Variants in SHANK2 observed in about 807,000 individuals in gnomAD.
SHANK2 encodes SH3 and multiple ankyrin repeat domains 2.
In SHANK2, 43 loss-of-function variants were observed where a neutral mutation model predicts 133.7. The observed-to-expected ratio is 0.32, with a 90% CI of 0.25 to 0.41. SHANK2 has a LOEUF of 0.41. Ranked by LOEUF, SHANK2 falls within the 10% of genes least tolerant of loss-of-function variation. The pLI is 1.00. For missense variants in SHANK2, 1,994 were observed against 2,235.8 expected (o/e 0.89, Z 2.18); for synonymous variants, 1,017 against 952.8 (o/e 1.07, Z -1.24).
intron 7 of SHANK2, among the ~76,000 whole-genome samples, chr11:71,092,995 T>C (rs1555094411): frequency 7.4e-6 from 1 of 134,784 alleles, no homozygotes; most frequent in Non-Finnish European, 1.6e-5. Flanking sequence ...TGATCCAAGA[T>C]TGCACCATTG....
At chr11:70,716,141 C>T (rs1000359689) in intron 14 of SHANK2, among the ~76,000 whole-genome samples, 40 of 152,298 alleles carry the variant, frequency 2.6e-4, no homozygotes, top group East Asian at 5.8e-4. Flanking sequence ...TCTTTGTGGT[C>T]GGCCTCTTTC....
chr11:70,760,145 T>C (rs1363477059), intron 14 of SHANK2, among the ~76,000 whole-genome samples: 2 of 152,238 alleles, frequency 1.3e-5, no homozygotes, highest in African/African-American at 2.4e-5. Context: ...ATGGGACGCA[T>C]GTAACACGCA....
intron 1 of SHANK2, among the ~76,000 whole-genome samples, chr11:71,227,850 C>A (rs1954667708): frequency 6.6e-6 from 1 of 151,786 alleles, no homozygotes; most frequent in East Asian, 1.9e-4. Context: ...CCTCAAGAAG[C>A]TAGCAAAAGG....
At position 70,564,345 on chromosome 11, in the gene SHANK2, G is replaced by A. The variant is rs1293062489; in HGVS notation, c.2062-61414C>T. Among the ~76,000 whole-genome samples the A allele has an allele frequency of 2.8e-4, 42 of 151,074 alleles. 2 individuals carry two copies. Among genetic ancestry groups the A allele is most frequent in the Admixed American group, 2.4e-3 (36 of 15,148 alleles). On this transcript the variant is annotated intron_variant, in intron 17 of 25. Coordinates refer to ENST00000601538, the MANE Select transcript of SHANK2 (RefSeq NM_012309.5). The stretch of plus-strand genomic sequence containing the variant: ...GCGATCTCAGCTCATTGCAACCTCC[G>A]CCTCCTGGGTTCAAGAGATTCTCCT...
chr11:70,505,357 G>T (rs1554968162), intron 17 of SHANK2, among the ~76,000 whole-genome samples: 1 of 152,130 alleles, frequency 6.6e-6, no homozygotes, highest in South Asian at 2.1e-4. Context: ...ACGTGGGGGG[G>T]CACCGAGACA....
chr11:70,518,745 C>T (rs1204738832), intron 17 of SHANK2, among the ~76,000 whole-genome samples: 2 of 152,172 alleles, frequency 1.3e-5, no homozygotes, highest in African/African-American at 2.4e-5. Context: ...GAGACAGCAC[C>T]GGTGGGTCAA....
rs1288732387 is a variant in SHANK2, at chr11:70,698,699, G to A, written c.1842C>T (p.Phe614=). ...RHYTVGSYDS[F]DTSSDCIIEE... ...GCAGCGCGTCTTACCTGGAAGTGTC[G>A]AAGCTGTCATAGGAGCCCACGGTGT... The change falls in exon 15 of 26, where the codon TTC becomes TTT. Residue 614 remains phenylalanine, a synonymous_variant. Coordinates refer to ENST00000601538, the MANE Select transcript of SHANK2 (RefSeq NM_012309.5). The A allele has an allele frequency of 4.2e-6, 3 of 718,550 alleles. No individual in the cohort carries two copies. The highest frequency in any genetic ancestry group is 1.7e-5 in the African/African-American group (1 of 57,278). 44.5% of individuals were successfully genotyped at this position (718,550 alleles called of 1,614,324 possible). A position where few individuals can be genotyped will look rare whatever the true frequency, so the allele number is the denominator to read the frequency against.
rs567037830 is a variant in SHANK2, at chr11:70,825,921, A to AT, written c.1175-5240dup. On this transcript the variant is annotated intron_variant, in intron 11 of 25. Coordinates refer to ENST00000601538, the MANE Select transcript of SHANK2 (RefSeq NM_012309.5). Reference sequence around the variant, plus strand: ...CTGGCTTACATGCATTTATTTATACATTTTTTTCCCCACAATAAAAATTAC... The same window carrying AT: ...CTGGCTTACATGCATTTATTTATACATTTTTTTTCCCCACAATAAAAATTAC... Among the ~76,000 whole-genome samples the AT allele has an allele frequency of 3.1e-4, 47 of 152,222 alleles. 2 individuals are homozygous for AT. In the South Asian group the frequency reaches 9.5e-3, roughly 31 times the overall value.
At chr11:70,855,789 G>A (rs1949159296) in intron 11 of SHANK2, among the ~76,000 whole-genome samples, 2 of 152,212 alleles carry the variant, frequency 1.3e-5, no homozygotes, top group African/African-American at 4.8e-5. Flanking sequence ...ATGGCAGGAT[G>A]GGTAACTGCA....
chr11:70,572,672 G>A (rs2060060378), intron 17 of SHANK2, among the ~76,000 whole-genome samples: 1 of 152,162 alleles, frequency 6.6e-6, no homozygotes, highest in Admixed American at 6.5e-5. Flanking sequence ...CCAACATCAG[G>A]GGTCTCCAGG....
At chr11:70,899,388 T>G (rs1949991682) in intron 10 of SHANK2, among the ~76,000 whole-genome samples, 1 of 152,158 alleles carries the variant, frequency 6.6e-6, no homozygotes, top group African/African-American at 2.4e-5. Flanking sequence ...TCCTGAGGGC[T>G]CCCCAGCCAT....
chr11:71,131,682 A>G (rs541405193), intron 3 of SHANK2, among the ~76,000 whole-genome samples: 6 of 152,304 alleles, frequency 3.9e-5, no homozygotes, highest in African/African-American at 1.4e-4. Flanking sequence ...GAGCCATTGT[A>G]AAGCAGAGAT....
chr11:70,891,544 C>G (rs578203217), intron 11 of SHANK2, among the ~76,000 whole-genome samples: 1 of 152,222 alleles, frequency 6.6e-6, no homozygotes, highest in African/African-American at 2.4e-5. Flanking sequence ...AATTTACTAT[C>G]TCATAGTTCT....
chr11:71,144,029 C>A (rs1463901688), intron 3 of SHANK2, among the ~76,000 whole-genome samples: 1 of 151,702 alleles, frequency 6.6e-6, no homozygotes, highest in Non-Finnish European at 1.5e-5. Context: ...AAATAACAAC[C>A]AGAAAAGGAT....
At position 71,110,018 on chromosome 11, in the gene SHANK2, T is replaced by A. The variant is rs1555098820; in HGVS notation, c.515A>T (p.Gln172Leu). 1.9e-6 allele frequency: 3 copies of A among 1,551,448 alleles called. No individual in the cohort carries two copies. In the Admixed American group the frequency reaches 5.9e-5, roughly 30 times the overall value. ...GGTGATCTTCTCCACCAAGCGATGC[T>A]GAATGTGATCCATGCATTTCTTCAG... The part of the protein sequence containing the change: ...TNLKKCMDHI[Q>L]HRLVEKITKM... The change falls in exon 6 of 26, where the codon CAG becomes CTG. Residue 172 changes from glutamine to leucine, a missense_variant. By Grantham distance (113) the Gln-to-Leu change is moderately radical (BLOSUM62 -2). This residue lies in a region of SHANK2 where 653 missense variants were observed against 563.4 expected (regional missense o/e 1.16). Coordinates refer to ENST00000601538, the MANE Select transcript of SHANK2 (RefSeq NM_012309.5).
Position 70,943,956 on chromosome 11 carries a change from C to G in SHANK2, c.1108-47389G>C, listed in dbSNP as rs1007751676. 1.1e-5 allele frequency: 5 copies of G among 456,660 alleles called. No homozygotes were observed. The Admixed American group carries it at 1.2e-4, about 11-fold the overall frequency. The allele number at this position is 456,660 out of a possible 1,614,324, so 28.3% of individuals were successfully genotyped here. ...TAAATATTACTTGTTGACTTCCTGC[C>G]AGGGAAGATGAGAGTTTCACTCATT... On this transcript the variant is annotated intron_variant, in intron 10 of 25. Coordinates refer to ENST00000601538, the MANE Select transcript of SHANK2 (RefSeq NM_012309.5).
chr11:70,719,614 G>A (rs115409892), intron 14 of SHANK2, among the ~76,000 whole-genome samples: 3 of 151,986 alleles, frequency 2.0e-5, no homozygotes, highest in Admixed American at 2.0e-4. Flanking sequence ...TGGGCAAATC[G>A]GAGGGTCATA....
chr11:70,658,321 G>A (rs79655276), intron 17 of SHANK2, among the ~76,000 whole-genome samples: 13 of 110,246 alleles, frequency 1.2e-4, no homozygotes, highest in African/African-American at 2.4e-4. Context: ...ACACACACAC[G>A]AAGGGGACTC....
Position 71,063,775 on chromosome 11 carries a change from G to A in SHANK2, c.1030-7217C>T, listed in dbSNP as rs1030213969. 1.8e-4 allele frequency among the ~76,000 whole-genome samples: 27 copies of A among 152,282 alleles called. 1 individual carries two copies. In the South Asian group the frequency reaches 5.6e-3, roughly 32 times the overall value. On this transcript the variant is annotated intron_variant, in intron 9 of 25. Transcript: ENST00000601538. ...CAATTGGAATGCTTTTTGAAGACCC[G>A]AGCATCAAGAAGAATATCATTTTCA... is the stretch of plus-strand genomic sequence containing the variant.
Sources: allele counts gnomAD v4.1 joint callset (sites outside exome capture counted in the v4.1 genomes callset), GRCh38; gene constraint gnomAD v4.1.1; regional missense constraint gnomAD v4.1.1; transcripts MANE v1.5; gene names NCBI Gene and HGNC (gene_info 2026-07-23, HGNC 2026-07-21).